Variants in LPXN observed in about 807,000 individuals in gnomAD.
LPXN encodes leupaxin.
A neutral mutation model predicts 45.6 loss-of-function variants in LPXN; 28 were observed. The ratio of observed to expected loss-of-function variants is 0.61; its 90% CI spans 0.45 to 0.84. The LOEUF (loss-of-function observed/expected upper bound fraction) is 0.84, where lower values mean the gene tolerates loss of function less well. Among genes scored for constraint, LPXN ranks in the 40% least tolerant of loss-of-function variants. The pLI is 0.00. For missense variants in LPXN, 459 were observed against 475.0 expected (o/e 0.97, Z 0.31); for synonymous variants, 166 against 169.9 (o/e 0.98, Z 0.18).
intron 7 of LPXN, among the ~76,000 whole-genome samples, chr11:58,534,453 G>A (rs771902205): frequency 5.9e-5 from 9 of 152,086 alleles, no homozygotes; most frequent in Non-Finnish European, 1.0e-4. Flanking sequence ...AAGGCAGAAA[G>A]AAAGAAGTTA....
chr11:58,556,780 TA>T (rs1211846695), intron 3 of LPXN, among the ~76,000 whole-genome samples: 6 of 152,140 alleles, frequency 3.9e-5, no homozygotes, highest in Non-Finnish European at 5.9e-5. Context: ...ACAAAAGTTG[TA>T]AAATATCAAA....
intron 7 of LPXN, among the ~76,000 whole-genome samples, chr11:58,528,438 C>T (rs999173692): frequency 6.6e-6 from 1 of 152,198 alleles, no homozygotes; most frequent in Non-Finnish European, 1.5e-5. Context: ...TGCCTTTGTA[C>T]TAAGTATTCC....
intron 2 of LPXN, among the ~76,000 whole-genome samples, chr11:58,564,662 T>C (rs572179303): frequency 1.3e-4 from 20 of 152,316 alleles, no homozygotes; most frequent in African/African-American, 3.1e-4. Flanking sequence ...GGGCCTGTCA[T>C]GTGCCAGGGC....
chr11:58,542,053 G>A (rs1306821865), intron 7 of LPXN, among the ~76,000 whole-genome samples: 1 of 151,638 alleles, frequency 6.6e-6, no homozygotes, highest in African/African-American at 2.4e-5. Context: ...GGTGGGGGGA[G>A]TGGGGAGGGA....
At chr11:58,568,275 T>C (rs1854581797) in intron 2 of LPXN, among the ~76,000 whole-genome samples, 2 of 152,164 alleles carry the variant, frequency 1.3e-5, no homozygotes, top group African/African-American at 4.8e-5. Flanking sequence ...AAAGACAAGT[T>C]ATCATTAGCC....
At chr11:58,554,707 G>A in intron 4 of LPXN, 134 bp downstream of exon 4, 1 of 585,344 alleles carries the variant, frequency 1.7e-6, no homozygotes, top group Non-Finnish European at 2.9e-6. Context: ...AAAAAGCAAT[G>A]ACAACTTAGG....
At chr11:58,527,754 T>C in intron 8 of LPXN, 31 bp from the exon 9 acceptor site, 1 of 1,597,316 alleles carries the variant, frequency 6.3e-7, no homozygotes, top group Non-Finnish European at 8.6e-7. Flanking sequence ...AGAAAAAGAA[T>C]GCAAATGTCA....
In LPXN at chr11:58,565,329, C is replaced by G. The variant is rs113297640; in HGVS notation, c.172-1128G>C. 4.5e-3 allele frequency among the ~76,000 whole-genome samples: 684 copies of G among 151,944 alleles called. 6 individuals carry two copies. Among genetic ancestry groups the G allele is most frequent in the African/African-American group, 0.015 (634 of 41,460 alleles). On this transcript the variant is annotated intron_variant, in intron 2 of 8. Coordinates refer to ENST00000395074, the MANE Select transcript of LPXN (RefSeq NM_004811.3). ...CAGGCGGATCACGAGGTCAGGAGAT[C>G]GAGATCATCACGGCTAACATGGTGA...
At chr11:58,572,638 T>G (rs1449661572) in intron 1 of LPXN, among the ~76,000 whole-genome samples, 1 of 152,150 alleles carries the variant, frequency 6.6e-6, no homozygotes, top group Non-Finnish European at 1.5e-5. Flanking sequence ...GTTAAGTTTT[T>G]AGGTGTGATA....
At chr11:58,536,332 C>A (rs535551624) in intron 7 of LPXN, among the ~76,000 whole-genome samples, 54 of 152,236 alleles carry the variant, frequency 3.5e-4, no homozygotes, top group Non-Finnish European at 6.2e-4. Context: ...ATGGACAGAA[C>A]AAAGGCCTCA....
chr11:58,571,280 G>A (rs1565206350), intron 1 of LPXN, among the ~76,000 whole-genome samples: 1 of 152,042 alleles, frequency 6.6e-6, no homozygotes, highest in Non-Finnish European at 1.5e-5. Context: ...AGCCTGCGAT[G>A]AGTCGAGATC....
At chr11:58,538,737 G>A (rs1853628573) in intron 7 of LPXN, among the ~76,000 whole-genome samples, 1 of 151,926 alleles carries the variant, frequency 6.6e-6, no homozygotes, top group South Asian at 2.1e-4. Flanking sequence ...AAAATATCAT[G>A]TTGTGTACCT....
At chr11:58,546,003 T>C (rs114943137) in intron 7 of LPXN, among the ~76,000 whole-genome samples, 66 of 152,222 alleles carry the variant, frequency 4.3e-4, no homozygotes, top group African/African-American at 1.5e-3. Context: ...ACACATGGGA[T>C]TTTCTTTACT....
Position 58,563,539 on chromosome 11 carries a change from T to C in LPXN, c.218+616A>G, listed in dbSNP as rs374378200. Among the ~76,000 whole-genome samples the C allele has an allele frequency of 1.2e-4, 18 of 152,358 alleles. No individual in the cohort carries two copies. In the South Asian group the frequency reaches 2.9e-3, roughly 25 times the overall value. Reference sequence around the variant, plus strand: ...TTGTTTTCCAGAAAGTTGTCTGATGTTAAAAATTGCAAGCTATAACTAAGG... The same window carrying C: ...TTGTTTTCCAGAAAGTTGTCTGATGCTAAAAATTGCAAGCTATAACTAAGG... On this transcript the variant is annotated intron_variant, in intron 3 of 8. Transcript: ENST00000395074.
At chr11:58,539,399 G>C (rs1944052) in intron 7 of LPXN, among the ~76,000 whole-genome samples, 66,270 of 151,966 alleles carry the variant, frequency 0.44, 14,701 homozygotes, top group Middle Eastern at 0.54. Context: ...AATGAACACT[G>C]CTAATTTTTA....
At chr11:58,566,323 G>A (rs555052406) in intron 2 of LPXN, among the ~76,000 whole-genome samples, 1 of 152,238 alleles carries the variant, frequency 6.6e-6, no homozygotes, top group Non-Finnish European at 1.5e-5. Context: ...GCTAAATGAA[G>A]AATCTTCTCA....
At chr11:58,564,266 T>C (rs1590577496) in intron 2 of LPXN, 65 bp from the exon 3 acceptor site, 1 of 993,998 alleles carries the variant, frequency 1.0e-6, no homozygotes, top group East Asian at 2.4e-5. Context: ...TGTTGAGGCT[T>C]AATGATACCC....
At chr11:58,546,114 T>A (rs1210754706) in intron 7 of LPXN, among the ~76,000 whole-genome samples, 1 of 152,128 alleles carries the variant, frequency 6.6e-6, no homozygotes, top group Non-Finnish European at 1.5e-5. Context: ...CCAGATGAGA[T>A]ATTAACTAAA....
chr11:58,535,651 T>C (rs879184432), intron 7 of LPXN, among the ~76,000 whole-genome samples: 2 of 152,182 alleles, frequency 1.3e-5, no homozygotes, highest in African/African-American at 4.8e-5. Context: ...TTCAACATAG[T>C]GTTGGAAGTT....
Sources: gnomAD v4.1 joint callset for allele counts (sites outside exome capture counted in the v4.1 genomes callset) on GRCh38, gnomAD v4.1.1 for gene constraint, MANE v1.5 for transcripts, NCBI Gene and HGNC (gene_info 2026-07-23, HGNC 2026-07-21) for gene names.